RASA3: variants seen among roughly 807,000 people sequenced by gnomAD.
RASA3 encodes the protein RAS p21 protein activator 3.
RASA3 carries 73 observed loss-of-function variants against 110.0 expected under a neutral mutation model. The ratio of observed to expected loss-of-function variants is 0.66; its 90% confidence interval spans 0.55 to 0.81. RASA3 has a LOEUF of 0.81. Among genes scored for constraint, RASA3 ranks in the 30% least tolerant of loss-of-function variants. RASA3 has a pLI of 0.00. For missense variants in RASA3, 976 were observed against 1,113.2 expected (o/e 0.88, Z 1.75); for synonymous variants, 500 against 451.4 (o/e 1.11, Z -1.37).
At chr13:114,037,242 A>C (rs2054295559) in intron 4 of RASA3, among the ~76,000 whole-genome samples, 1 of 152,074 alleles carries the variant, frequency 6.6e-6, no homozygotes, top group South Asian at 2.1e-4. Context: ...TACACTATCT[A>C]CCCTGTGATG....
rs201032628 is a variant in RASA3 at position 113,981,659 on chromosome 13, C to T, written c.2429+16G>A. ...CTACACTGGCCGTCCAGGGCAGGCACGGGAGTGGCACTCACTGGCTTCCAT... is the reference window on the plus strand; with the variant it reads ...CTACACTGGCCGTCCAGGGCAGGCATGGGAGTGGCACTCACTGGCTTCCAT... On this transcript the variant is annotated intron_variant, in intron 23 of 23. Coordinates refer to ENST00000334062, the MANE Select transcript of RASA3 (RefSeq NM_007368.4). The T allele has an allele frequency of 1.0e-4, 161 of 1,612,622 alleles. 1 individual carries two copies. Among genetic ancestry groups the T allele is most frequent in the Non-Finnish European group, 7.3e-5 (86 of 1,179,356 alleles).
At chr13:114,004,718 C>T (rs942571436) in intron 18 of RASA3, among the ~76,000 whole-genome samples, 2 of 152,112 alleles carry the variant, frequency 1.3e-5, no homozygotes, top group Non-Finnish European at 2.9e-5. Context: ...AGGAAACCCA[C>T]GGAGATTTCT....
In RASA3 at chr13:113,978,060, T is replaced by C. The variant is rs535059394; in HGVS notation, c.*1287A>G. On this transcript the variant is annotated 3_prime_UTR_variant, in exon 24 of 24. Transcript: ENST00000334062. ...CGGTACAAGGATACGTCGTGCTGTG[T>C]ATTTAAACGGCGCTTCCCACACACC... The C allele has an allele frequency of 5.9e-5, 9 of 152,338 alleles. No individual in the cohort carries two copies. Among genetic ancestry groups the C allele is most frequent in the Admixed American group, 2.0e-4 (3 of 15,298 alleles). The allele number at this position is 152,338 out of a possible 1,614,324, so 9.4% of individuals were successfully genotyped here. A position where few individuals can be genotyped will look rare whatever the true frequency, so the allele number is the denominator to read the frequency against.
chr13:114,096,117 G>T lies in RASA3; in HGVS notation c.56-22280C>A, dbSNP rs1379346743. Among the ~76,000 whole-genome samples the T allele has an allele frequency of 2.6e-5, 4 of 152,236 alleles. No homozygotes were observed. The highest frequency in any genetic ancestry group is 3.4e-3 in the Middle Eastern group (1 of 294). On this transcript the variant is annotated intron_variant, in intron 1 of 23. Transcript: ENST00000334062. This position sits in a 1 kb window ranked among gnomAD's most constrained non-coding sequence, Gnocchi z 5.1. ...CCTGGCGGCATCGGTGTGCTGGGAA[G>T]GGGGTGCTCTCTGGGTGGCCTGGGT...
intron 20 of RASA3, 73 bp downstream of exon 20, chr13:113,999,512 G>T: frequency 8.0e-7 from 1 of 1,254,460 alleles, no homozygotes; most frequent in Non-Finnish European, 1.2e-6. Flanking sequence ...CCCAGGGCCA[G>T]GTACGGGAAG....
At chr13:114,044,550 C>A (rs1336214279) in intron 3 of RASA3, among the ~76,000 whole-genome samples, 1 of 105,884 alleles carries the variant, frequency 9.4e-6, no homozygotes, top group Admixed American at 9.8e-5. Flanking sequence ...GCCCTCCCAC[C>A]GGCAGCCCTG....
intron 3 of RASA3, among the ~76,000 whole-genome samples, chr13:114,042,959 G>A (rs571906506): frequency 2.0e-5 from 3 of 152,308 alleles, no homozygotes; most frequent in South Asian, 2.1e-4. Flanking sequence ...TCCTGCCAGC[G>A]TTCCTTCCTA....
intron 1 of RASA3, among the ~76,000 whole-genome samples, chr13:114,098,565 G>A (rs996987542): frequency 2.0e-5 from 3 of 152,076 alleles, no homozygotes; most frequent in East Asian, 3.9e-4. Flanking sequence ...CGTTAAGGGT[G>A]TGTGTGTGTG....
Position 114,021,393 on chromosome 13 carries a change from C to T in RASA3, c.785+11G>A. The T allele has an allele frequency of 1.2e-6, 2 of 1,612,404 alleles. No individual in the cohort carries two copies. Among genetic ancestry groups the T allele is most frequent in the Non-Finnish European group, 1.7e-6 (2 of 1,178,706 alleles). On this transcript the variant is annotated intron_variant, in intron 9 of 23. Transcript: ENST00000334062. ...GAGATGCGGAAGTCTGCAGGTGCAA[C>T]ATCATCTTACCACGCCTCGTAGGAG... is the stretch of plus-strand genomic sequence containing the variant.
At chr13:114,132,349 G>C in intron 1 of RASA3, 86 bp downstream of exon 1, 3 of 1,340,984 alleles carry the variant, frequency 2.2e-6, no homozygotes, top group Non-Finnish European at 2.9e-6. Flanking sequence ...GGGGTCCCCA[G>C]CAAGGATCTG....
intron 1 of RASA3, among the ~76,000 whole-genome samples, chr13:114,117,162 C>G (rs1436319172): frequency 9.0e-6 from 1 of 110,646 alleles, no homozygotes; most frequent in Non-Finnish European, 1.8e-5. Context: ...GTGAGGGGTG[C>G]ACGTGTGTGA....
chr13:114,080,324 G>A (rs934487122), intron 1 of RASA3, among the ~76,000 whole-genome samples: 12 of 152,274 alleles, frequency 7.9e-5, no homozygotes, highest in African/African-American at 1.2e-4. Context: ...TTCTGTGGGC[G>A]GTGGAAGGAG....
intron 1 of RASA3, among the ~76,000 whole-genome samples, chr13:114,079,055 A>G (rs917421235): frequency 1.3e-5 from 2 of 152,240 alleles, no homozygotes; most frequent in African/African-American, 2.4e-5. Context: ...GGCGCTCAGC[A>G]GCTCAGCTCA....
intron 21 of RASA3, among the ~76,000 whole-genome samples, chr13:113,994,702 G>A (rs1174005053): frequency 6.6e-6 from 1 of 152,196 alleles, no homozygotes; most frequent in Non-Finnish European, 1.5e-5. Context: ...CTGGGCTGGT[G>A]GCATCAGCCT....
At chr13:114,125,111 T>C (rs1196540498) in intron 1 of RASA3, among the ~76,000 whole-genome samples, 1 of 152,180 alleles carries the variant, frequency 6.6e-6, no homozygotes, top group East Asian at 1.9e-4. Context: ...TTGCTTCTTT[T>C]GAATCTTATG....
At chr13:114,073,611 C>T (rs549153696) in intron 2 of RASA3, 109 bp downstream of exon 2, 31 of 910,374 alleles carry the variant, frequency 3.4e-5, no homozygotes, top group African/African-American at 2.0e-4. Flanking sequence ...CGTACACGCT[C>T]GGGACGTTCT....
chr13:114,027,952 T>TCAG (rs2054059036), intron 5 of RASA3, 25 bp from the exon 6 acceptor site: 9 of 1,597,742 alleles, frequency 5.6e-6, no homozygotes, highest in Non-Finnish European at 6.9e-6. Flanking sequence ...AGAGGCGGCG[T>TCAG]CAGGAGGGAG....
intron 22 of RASA3, among the ~76,000 whole-genome samples, chr13:113,990,377 G>A (rs72659524): frequency 0.1 from 15,156 of 152,232 alleles, 982 homozygotes; most frequent in Middle Eastern, 0.15. Flanking sequence ...CGGGGCGCAC[G>A]GCCTAGGAGG....
chr13:114,106,462 T>G (rs934560481), intron 1 of RASA3, among the ~76,000 whole-genome samples: 1 of 152,252 alleles, frequency 6.6e-6, no homozygotes. Context: ...AACATTTCCT[T>G]CGTTTATATT....
Sources: gnomAD v4.1 joint callset for allele counts (sites outside exome capture counted in the v4.1 genomes callset) on GRCh38, gnomAD v4.1.1 for gene constraint, Gnocchi (gnomAD v3.1) non-coding constraint, MANE v1.5 for transcripts, NCBI Gene and HGNC (gene_info 2026-07-23, HGNC 2026-07-21) for gene names.